RIMBP2: variants seen among roughly 807,000 people sequenced by gnomAD.
The protein encoded by RIMBP2 is RIMS-binding protein 2.
A neutral mutation model predicts 118.6 loss-of-function variants in RIMBP2; 48 were observed. The ratio of observed to expected loss-of-function variants is 0.40; its 90% CI spans 0.32 to 0.51. The LOEUF (loss-of-function observed/expected upper bound fraction) is 0.51. Ranked by LOEUF, RIMBP2 falls within the 20% of genes least tolerant of loss-of-function variation. The pLI is 0.41. For synonymous variants in RIMBP2, 762 were observed against 742.9 expected, an observed-to-expected ratio of 1.03 and a Z score of -0.42; for missense variants, 1,551 against 1,768.3, an observed-to-expected ratio of 0.88 and a Z score of 2.20.
At chr12:130,560,433 G>A (rs2056728025) in intron 2 of RIMBP2, among the ~76,000 whole-genome samples, 2 of 151,940 alleles carry the variant, frequency 1.3e-5, no homozygotes. Flanking sequence ...CACACCCCTG[G>A]CCTCCACCCA....
intron 2 of RIMBP2, among the ~76,000 whole-genome samples, chr12:130,624,478 G>A (rs995969336): frequency 1.3e-5 from 2 of 152,192 alleles, no homozygotes; most frequent in Non-Finnish European, 2.9e-5. Context: ...ACGTGTGTGT[G>A]TGTGTAGATT....
chr12:130,646,084 C>T (rs1213498498), intron 1 of RIMBP2, among the ~76,000 whole-genome samples: 13 of 136,234 alleles, frequency 9.5e-5, no homozygotes, highest in South Asian at 4.8e-4. Context: ...CCTCCCTCAC[C>T]ACTTCCCTCT....
At chr12:130,465,578 G>A (rs1188197510) in intron 6 of RIMBP2, 1 of 152,274 alleles carries the variant, frequency 6.6e-6, no homozygotes, top group Non-Finnish European at 1.5e-5. Flanking sequence ...TGGCACTTGG[G>A]AGCTGTGTGT....
At chr12:130,591,258 C>A in intron 2 of RIMBP2, among the ~76,000 whole-genome samples, 1 of 152,208 alleles carries the variant, frequency 6.6e-6, no homozygotes, top group East Asian at 1.9e-4. Flanking sequence ...ATAGCCAGAA[C>A]CACTTTCTGT....
At chr12:130,629,392 G>A (rs184619583) in intron 1 of RIMBP2, among the ~76,000 whole-genome samples, 6 of 152,310 alleles carry the variant, frequency 3.9e-5, no homozygotes, top group African/African-American at 7.2e-5. Context: ...AGGACTCTTC[G>A]TCTGACAGGG....
At chr12:130,606,096 A>T (rs912421213) in intron 2 of RIMBP2, among the ~76,000 whole-genome samples, 2 of 151,996 alleles carry the variant, frequency 1.3e-5, no homozygotes, top group African/African-American at 4.8e-5. Flanking sequence ...AAAGAGAGGA[A>T]AAAAAAGCTA....
intron 1 of RIMBP2, among the ~76,000 whole-genome samples, chr12:130,646,059 C>T (rs1330080723): frequency 8.3e-6 from 1 of 121,022 alleles, no homozygotes; most frequent in African/African-American, 2.9e-5. Flanking sequence ...ACCTCCCTCA[C>T]CACCTGCCTC....
chr12:130,517,643 G>A (rs36119083), intron 3 of RIMBP2, among the ~76,000 whole-genome samples, 185 bp downstream of exon 3: 7,854 of 152,184 alleles, frequency 0.052, 273 homozygotes, highest in South Asian at 0.16. Flanking sequence ...GATAGTGGAT[G>A]AGACATCACT....
chr12:130,443,727 C>G (rs529686795), intron 10 of RIMBP2, among the ~76,000 whole-genome samples: 2 of 152,240 alleles, frequency 1.3e-5, no homozygotes, highest in East Asian at 3.9e-4. Flanking sequence ...TTTAAAAATC[C>G]TTAGTTTGGC....
At chr12:130,488,652 CA>C (rs1423032074) in intron 4 of RIMBP2, among the ~76,000 whole-genome samples, 1 of 151,278 alleles carries the variant, frequency 6.6e-6, no homozygotes, top group Admixed American at 6.6e-5. Flanking sequence ...AGATATTAAT[CA>C]ATGTTTCTTT....
Position 130,424,965 on chromosome 12 carries a change from A to C in RIMBP2, c.2413-107T>G. On this transcript the variant is annotated intron_variant, in intron 15 of 22. Transcript: ENST00000690449. The surrounding 1 kb of genome is among the most constrained non-coding windows in gnomAD (Gnocchi z 9.8). ...TACAGACAGAATTAGTCCTGGAGGCACCGAGGGGGGGGAAGCATGCGTCTA... is the reference window on the plus strand; with the variant it reads ...TACAGACAGAATTAGTCCTGGAGGCCCCGAGGGGGGGGAAGCATGCGTCTA... 28 of 480,112 alleles carry C rather than the reference A, an allele frequency of 5.8e-5. No homozygotes were observed. The highest frequency in any genetic ancestry group is 1.1e-4 in the South Asian group (1 of 9,270). The allele number at this position is 480,112 out of a possible 1,614,324, so 29.7% of individuals were successfully genotyped here.
intron 2 of RIMBP2, among the ~76,000 whole-genome samples, chr12:130,552,683 A>G (rs7316066): frequency 0.43 from 65,266 of 152,030 alleles, 14,693 homozygotes; most frequent in Non-Finnish European, 0.5. Context: ...AAATTAGTAG[A>G]CAAATTCATG....
At chr12:130,644,212 C>G (rs1231174932) in intron 1 of RIMBP2, among the ~76,000 whole-genome samples, 1 of 152,144 alleles carries the variant, frequency 6.6e-6, no homozygotes, top group Non-Finnish European at 1.5e-5. Context: ...CTAACAAGGC[C>G]TCGAACTCAC....
In RIMBP2 at chr12:130,422,624, TAG is replaced by T; in HGVS notation, c.3130-65_3130-64del. The stretch of plus-strand genomic sequence containing the variant: ...AGCATTGGGAACTGAAGAATTCAGT[TAG>T]CCAAATCAAGCGGGTTGAAAAGCAG... On this transcript the variant is annotated intron_variant, in intron 16 of 22. Transcript: ENST00000690449. The surrounding 1 kb of genome is among the most constrained non-coding windows in gnomAD (Gnocchi z 5.2). 3.3e-6 allele frequency: 4 copies of T among 1,209,968 alleles called. No homozygotes were observed. Among genetic ancestry groups the T allele is most frequent in the Non-Finnish European group, 4.7e-6 (4 of 842,998 alleles). The allele number at this position is 1,209,968 out of a possible 1,614,324, so 75.0% of individuals were successfully genotyped here. A position where few individuals can be genotyped will look rare whatever the true frequency, so the allele number is the denominator to read the frequency against.
intron 2 of RIMBP2, among the ~76,000 whole-genome samples, chr12:130,551,351 G>A (rs919972626): frequency 3.9e-5 from 6 of 152,170 alleles, no homozygotes; most frequent in Admixed American, 3.3e-4. Flanking sequence ...TAGAAACCCA[G>A]AGACTGTTTC....
intron 2 of RIMBP2, among the ~76,000 whole-genome samples, chr12:130,530,445 T>C (rs1230279399): frequency 6.6e-6 from 1 of 151,966 alleles, no homozygotes; most frequent in Admixed American, 6.6e-5. Flanking sequence ...ATGCTTATAC[T>C]AAAAATATTT....
intron 2 of RIMBP2, among the ~76,000 whole-genome samples, chr12:130,539,800 C>A (rs1230536033): frequency 2.3e-4 from 18 of 76,694 alleles, no homozygotes; most frequent in South Asian, 2.2e-3. Context: ...CAAATGCAGT[C>A]CATGAGGTGG....
chr12:130,452,129 G>A (rs1227282380), intron 7 of RIMBP2, among the ~76,000 whole-genome samples: 7 of 152,158 alleles, frequency 4.6e-5, no homozygotes, highest in East Asian at 1.9e-4. Flanking sequence ...AACATGACGC[G>A]GCTGCTTCCT....
chr12:130,561,603 A>G (rs576998023), intron 2 of RIMBP2, among the ~76,000 whole-genome samples: 1 of 152,318 alleles, frequency 6.6e-6, no homozygotes, highest in African/African-American at 2.4e-5. Flanking sequence ...GGTGAATCAC[A>G]TACAGAATAC....
Sources: gnomAD v4.1 joint callset for allele counts (sites outside exome capture counted in the v4.1 genomes callset) on GRCh38, gnomAD v4.1.1 for gene constraint, Gnocchi (gnomAD v3.1) non-coding constraint, MANE v1.5 for transcripts, NCBI Gene and HGNC (gene_info 2026-07-23, HGNC 2026-07-21) for gene names.